The following TRHDE variants were observed in gnomAD, a reference collection of about 807,000 sequenced individuals.
The protein encoded by TRHDE is thyrotropin-releasing hormone-degrading ectoenzyme.
TRHDE carries 72 observed loss-of-function variants against 125.7 expected under a neutral mutation model. The ratio of observed to expected loss-of-function variants is 0.57; its 90% CI spans 0.47 to 0.70. The LOEUF (loss-of-function observed/expected upper bound fraction) is 0.70, where lower values mean the gene tolerates loss of function less well. Among genes scored for constraint, TRHDE ranks in the 30% least tolerant of loss-of-function variants. TRHDE has a pLI of 0.00. For synonymous variants in TRHDE, 509 were observed against 509.1 expected, an observed-to-expected ratio of 1.00 and a Z score of 0.00; for missense variants, 1,110 against 1,327.1, an observed-to-expected ratio of 0.84 and a Z score of 2.54.
upstream of TRHDE, among the ~76,000 whole-genome samples, chr12:72,270,775 G>A (rs556562754): frequency 6.6e-6 from 1 of 152,024 alleles, no homozygotes; most frequent in Non-Finnish European, 1.5e-5. Context: ...AGAGTTCTTC[G>A]CACAAATTCT....
At chr12:72,296,138 T>C (rs1247868869) in intron 2 of TRHDE, among the ~76,000 whole-genome samples, 1 of 152,244 alleles carries the variant, frequency 6.6e-6, no homozygotes, top group Non-Finnish European at 1.5e-5. Context: ...TAGAAAATGA[T>C]AGATACTCAG....
chr12:72,199,789 T>C (rs528437644), intron 2 of TRHDE, among the ~76,000 whole-genome samples: 3 of 152,334 alleles, frequency 2.0e-5, no homozygotes, highest in African/African-American at 7.2e-5. Context: ...TGCCATTTAG[T>C]TCTTGCATTA....
chr12:72,399,938 C>A (rs1257383493), intron 3 of TRHDE, among the ~76,000 whole-genome samples: 1 of 152,000 alleles, frequency 6.6e-6, no homozygotes, highest in African/African-American at 2.4e-5. Context: ...AAATGGAGTG[C>A]CATGATTTCA....
At position 72,542,299 on chromosome 12, in the gene TRHDE, T is replaced by C. The variant is rs375787823; in HGVS notation, c.1731T>C (p.Ala577=). ...ATTATTCTTTCCTATAGGGTGCTGC[T>C]TTAATAAGAATGCTGGCTAATTTTA... ...FDWIAYKKGA[A]LIRMLANFMG... The change falls in exon 7 of 19, where the codon GCT becomes GCC. Residue 577 remains alanine (A), a synonymous_variant. Transcript: ENST00000261180. The C allele has an allele frequency of 4.4e-6, 7 of 1,604,244 alleles. No individual in the cohort carries two copies. Among genetic ancestry groups the C allele is most frequent in the Non-Finnish European group, 6.0e-6 (7 of 1,173,874 alleles).
chr12:72,497,196 T>C (rs2135933186), intron 5 of TRHDE, among the ~76,000 whole-genome samples: 1 of 152,292 alleles, frequency 6.6e-6, no homozygotes, highest in East Asian at 1.9e-4. Flanking sequence ...GAAATTCTAC[T>C]GACTAGGCAA....
intron 2 of TRHDE, among the ~76,000 whole-genome samples, chr12:72,196,685 T>C (rs1169243367): frequency 6.6e-6 from 1 of 152,110 alleles, no homozygotes; most frequent in African/African-American, 2.4e-5. Context: ...TCCTATTATT[T>C]TGAATAAACT....
At chr12:72,462,887 G>A (rs1876192324) in intron 3 of TRHDE, among the ~76,000 whole-genome samples, 1 of 152,252 alleles carries the variant, frequency 6.6e-6, no homozygotes, top group East Asian at 1.9e-4. Context: ...GGACACAGCA[G>A]CATCTTTGTT....
At chr12:72,524,202 C>T (rs1845658667) in intron 6 of TRHDE, among the ~76,000 whole-genome samples, 1 of 152,112 alleles carries the variant, frequency 6.6e-6, no homozygotes, top group Non-Finnish European at 1.5e-5. Flanking sequence ...TTAATCAGCG[C>T]ATTTTATCCT....
chr12:72,286,958 A>G lies in TRHDE; in HGVS notation c.1188+4A>G. The G allele has an allele frequency of 6.2e-7, 1 of 1,611,808 alleles. No homozygotes were observed. The highest frequency in any genetic ancestry group is 8.5e-7 in the Non-Finnish European group (1 of 1,178,998). On this transcript the variant is annotated splice_donor_region_variant and intron_variant, in intron 2 of 18. Transcript: ENST00000261180. Reference sequence around the variant, plus strand: ...TACCACCAAGAGTGGGGTTGTAGTAAGTATTTTCAGCTTAATGATGTTTTT... The same window carrying G: ...TACCACCAAGAGTGGGGTTGTAGTAGGTATTTTCAGCTTAATGATGTTTTT...
At chr12:72,366,584 A>G (rs567564694) in intron 2 of TRHDE, among the ~76,000 whole-genome samples, 16 of 152,182 alleles carry the variant, frequency 1.1e-4, no homozygotes, top group African/African-American at 3.6e-4. Context: ...GTAAGGAGTG[A>G]AAAGACCGAG....
At chr12:72,633,062 G>C (rs1244377782) in intron 15 of TRHDE, among the ~76,000 whole-genome samples, 1 of 151,924 alleles carries the variant, frequency 6.6e-6, no homozygotes, top group Non-Finnish European at 1.5e-5. Context: ...AGAATTAATA[G>C]CAATTTTATA....
intron 6 of TRHDE, among the ~76,000 whole-genome samples, chr12:72,518,418 T>A (rs1878995576): frequency 6.6e-6 from 1 of 151,858 alleles, no homozygotes; most frequent in Non-Finnish European, 1.5e-5. Context: ...TTTGTCTCTT[T>A]TGATCTTTGT....
intron 1 of TRHDE, among the ~76,000 whole-genome samples, chr12:72,091,811 A>G (rs542841814): frequency 3.3e-5 from 5 of 152,334 alleles, no homozygotes; most frequent in African/African-American, 1.2e-4. Flanking sequence ...GAAGCCTATT[A>G]GTAATCATAT....
intron 2 of TRHDE, among the ~76,000 whole-genome samples, chr12:72,159,351 A>G (rs756852438): frequency 2.0e-4 from 31 of 152,328 alleles, no homozygotes; most frequent in African/African-American, 7.2e-4. Flanking sequence ...ATCAGGAAAG[A>G]CTTCTGATAC....
intron 2 of TRHDE, among the ~76,000 whole-genome samples, chr12:72,115,769 G>A (rs73346900): frequency 0.013 from 1,954 of 152,200 alleles, 44 homozygotes; most frequent in African/African-American, 0.045. Flanking sequence ...ATGTCTGGTA[G>A]TTTTGGTTTG....
At chr12:72,588,963 A>G (rs557914563) in intron 12 of TRHDE, among the ~76,000 whole-genome samples, 2 of 152,162 alleles carry the variant, frequency 1.3e-5, no homozygotes, top group Non-Finnish European at 2.9e-5. Flanking sequence ...AAACCATCAG[A>G]TCTCCTGAGA....
intron 3 of TRHDE, among the ~76,000 whole-genome samples, chr12:72,408,616 C>A (rs1873364864): frequency 6.6e-6 from 1 of 151,924 alleles, no homozygotes; most frequent in African/African-American, 2.4e-5. Context: ...TGATTATAGC[C>A]ACAAGTTATA....
At chr12:72,595,330 A>T (rs899461699) in intron 12 of TRHDE, among the ~76,000 whole-genome samples, 3 of 151,468 alleles carry the variant, frequency 2.0e-5, no homozygotes, top group Non-Finnish European at 4.4e-5. Flanking sequence ...TTTGTACATG[A>T]ATTTTTTTAT....
intron 3 of TRHDE, among the ~76,000 whole-genome samples, chr12:72,404,754 T>A (rs1432559863): frequency 1.3e-5 from 2 of 152,146 alleles, no homozygotes; most frequent in Admixed American, 1.3e-4. Flanking sequence ...TTATGGGAGC[T>A]ACAATTCAAT....
Sources: allele counts gnomAD v4.1 joint callset (sites outside exome capture counted in the v4.1 genomes callset), GRCh38; gene constraint gnomAD v4.1.1; transcripts MANE v1.5; gene names NCBI Gene and HGNC (gene_info 2026-07-23, HGNC 2026-07-21).